The following TUB variants were observed in gnomAD, a reference collection of about 807,000 sequenced individuals.
TUB encodes tubby protein homolog.
A neutral mutation model predicts 59.7 loss-of-function variants in TUB; 33 were observed. That is an observed-to-expected ratio of 0.55 (90% CI 0.42 to 0.74). The LOEUF (loss-of-function observed/expected upper bound fraction) is 0.74. Ranked by LOEUF, TUB falls within the 30% of genes least tolerant of loss-of-function variation. The pLI is 0.00. For missense variants in TUB, 659 were observed against 672.0 expected (o/e 0.98, Z 0.21); for synonymous variants, 293 against 256.4 (o/e 1.14, Z -1.36).
intron 2 of TUB, among the ~76,000 whole-genome samples, chr11:8,054,130 T>C (rs1335120900): frequency 6.6e-6 from 1 of 152,002 alleles, no homozygotes; most frequent in African/African-American, 2.4e-5. Context: ...GAAAAAAAAG[T>C]TTGAAATACT....
intron 2 of TUB, among the ~76,000 whole-genome samples, chr11:8,041,193 G>A (rs1942745205): frequency 6.6e-6 from 1 of 152,184 alleles, no homozygotes; most frequent in Non-Finnish European, 1.5e-5. Context: ...TTTCTGGGCT[G>A]GCTCATTTCT....
In TUB at chr11:8,074,466, G is replaced by A. The variant is rs376045668; in HGVS notation, c.204-15144G>A. Among the ~76,000 whole-genome samples, 72 of 152,188 alleles carry A rather than the reference G, an allele frequency of 4.7e-4. 1 individual carries two copies. Among genetic ancestry groups the A allele is most frequent in the Middle Eastern group, 3.4e-3 (1 of 294 alleles). ...AAAAATTCTCTATAAGGCTGGGTGC[G>A]ATGGCTCACACCTGTAATCCTAATG... On this transcript the variant is annotated intron_variant, in intron 2 of 12. Coordinates refer to the TUB transcript ENST00000305253.
At chr11:8,059,676 G>T (rs528138028) in intron 2 of TUB, among the ~76,000 whole-genome samples, 2 of 152,164 alleles carry the variant, frequency 1.3e-5, no homozygotes, top group Non-Finnish European at 2.9e-5. Flanking sequence ...GCCTGGAGGG[G>T]AGACAGCAGA....
chr11:8,027,437 T>C (rs1942514785), intron 1 of TUB, among the ~76,000 whole-genome samples: 1 of 152,230 alleles, frequency 6.6e-6, no homozygotes, highest in Non-Finnish European at 1.5e-5. Flanking sequence ...TTGTAGCATA[T>C]ATTTTTTGGC....
intron 2 of TUB, chr11:8,075,537 G>C (rs1270611375): frequency 6.6e-6 from 1 of 152,264 alleles, no homozygotes; most frequent in Non-Finnish European, 1.5e-5. Context: ...CATGACTCAT[G>C]AGATGTAATC....
intron 1 of TUB, among the ~76,000 whole-genome samples, chr11:8,083,640 C>T (rs1330346719): frequency 1.3e-5 from 2 of 151,882 alleles, no homozygotes; most frequent in Admixed American, 6.6e-5. Flanking sequence ...TTTCCTGGGC[C>T]GCAGACTCAG....
chr11:8,075,385 G>C (rs1023984073), intron 2 of TUB, among the ~76,000 whole-genome samples: 1 of 152,184 alleles, frequency 6.6e-6, no homozygotes, highest in Non-Finnish European at 1.5e-5. Flanking sequence ...CTTCTTATCA[G>C]TGTGACTTTC....
exon 1 of TUB, chr11:8,038,843 T>TCCCTTAATGGTCCTTAA (rs759501954): frequency 8.7e-6 from 14 of 1,609,136 alleles, no homozygotes; most frequent in Non-Finnish European, 1.2e-5. Flanking sequence ...AGTGGGACCA[T>TCCCTTAATGGTCCTTAA]CCCTTAAACC....
chr11:8,031,520 C>T (rs1447854684), intron 1 of TUB, among the ~76,000 whole-genome samples: 8 of 152,208 alleles, frequency 5.3e-5, no homozygotes, highest in Admixed American at 6.5e-5. Context: ...GGGTAGAGGA[C>T]CCTTCCCTCC....
chr11:8,027,375 T>G (rs748491673), intron 1 of TUB, among the ~76,000 whole-genome samples: 6 of 152,252 alleles, frequency 3.9e-5, no homozygotes, highest in Non-Finnish European at 8.8e-5. Context: ...GTATTTTTCC[T>G]TTTGTGTCTG....
chr11:8,069,854 G>A (rs140471482), intron 2 of TUB, among the ~76,000 whole-genome samples: 235 of 151,946 alleles, frequency 1.5e-3, no homozygotes, highest in Non-Finnish European at 2.8e-3. Flanking sequence ...TGGTAAAAAC[G>A]GCCATTGATT....
chr11:8,038,775 A>T, exon 1 of TUB: 1 of 1,523,306 alleles, frequency 6.6e-7, no homozygotes, highest in South Asian at 1.3e-5. Flanking sequence ...TGCTGGTTTC[A>T]GTACTGAGGC....
intron 1 of TUB, among the ~76,000 whole-genome samples, chr11:8,029,288 G>T (rs553860516): frequency 6.6e-6 from 1 of 151,864 alleles, no homozygotes; most frequent in Non-Finnish European, 1.5e-5. Flanking sequence ...GTAGCCTTTC[G>T]TACTAAGCTG....
chr11:8,094,021 C>A (rs375047838), intron 3 of TUB, 25 bp from the exon 4 acceptor site: 4 of 1,613,948 alleles, frequency 2.5e-6, no homozygotes, highest in African/African-American at 2.7e-5. Flanking sequence ...TTCTCTCTCT[C>A]CATCTGGGGA....
rs946879689 is a variant in TUB, at chr11:8,097,240, G to A, written c.700G>A (p.Ala234Thr). ...SRKSVREAASAPSPTAPEQPV... is the reference protein window; with the variant it reads ...SRKSVREAASTPSPTAPEQPV... ...TGCATCCCCATAGGAGGCAGCCTCA[G>A]CCCCTAGCCCAACAGCTCCAGAGCA... The change falls in exon 7 of 12, where the codon GCC (alanine) becomes ACC (threonine). Residue 234 changes from alanine (A) to threonine (T), a missense_variant. Physicochemically the swap from Ala to Thr is moderately conservative, Grantham distance 58. Around this residue, in one of 3 missense-constraint regions of TUB, gnomAD observed 112 missense variants for 156.9 expected, o/e 0.71. Coordinates refer to ENST00000299506, the MANE Select transcript of TUB (RefSeq NM_177972.3). The A allele has an allele frequency of 3.1e-6, 5 of 1,614,086 alleles. No individual in the cohort carries two copies. The highest frequency in any genetic ancestry group is 1.1e-5 in the South Asian group (1 of 91,070).
intron 2 of TUB, among the ~76,000 whole-genome samples, chr11:8,071,912 G>A (rs1292268892): frequency 6.6e-6 from 1 of 152,242 alleles, no homozygotes; most frequent in African/African-American, 2.4e-5. Flanking sequence ...CCTCAGAAGT[G>A]TAAGGGCTGG....
At chr11:8,067,865 C>T (rs768592108) in intron 2 of TUB, 2 of 152,266 alleles carry the variant, frequency 1.3e-5, no homozygotes, top group Non-Finnish European at 2.9e-5. Context: ...AATGGGGTGA[C>T]CTGCAGACGC....
At chr11:8,053,593 T>C (rs1053454598) in intron 2 of TUB, among the ~76,000 whole-genome samples, 2 of 151,554 alleles carry the variant, frequency 1.3e-5, no homozygotes, top group South Asian at 2.1e-4. Flanking sequence ...CTCCGCCTCC[T>C]GAGTTCACGC....
chr11:8,094,096 A>C lies in TUB; in HGVS notation c.304A>C (p.Thr102Pro). Residue 102 changes from threonine (T) to proline (P), a missense_variant, in exon 4 of 12, where the codon ACA becomes CCA. By Grantham distance (38) the Thr-to-Pro change is conservative. Coordinates refer to ENST00000299506, the MANE Select transcript of TUB (RefSeq NM_177972.3). ...ASVQLGATRPTAPASAKRTKA... is the reference protein window; with the variant it reads ...ASVQLGATRPPAPASAKRTKA... ...TGTGCAGCTGGGAGCCACGCGCCCA[A>C]CAGCACCAGCTTCAGCCAAGAGAAC... The C allele has an allele frequency of 6.2e-7, 1 of 1,614,192 alleles. No individual in the cohort carries two copies. The highest frequency in any genetic ancestry group is 1.1e-5 in the South Asian group (1 of 91,084).
Sources: allele counts gnomAD v4.1 joint callset (sites outside exome capture counted in the v4.1 genomes callset), GRCh38; gene constraint gnomAD v4.1.1; regional missense constraint gnomAD v4.1.1; transcripts MANE v1.5; gene names NCBI Gene and HGNC (gene_info 2026-07-23, HGNC 2026-07-21).